The following MYC variants were observed in gnomAD, a reference collection of about 807,000 sequenced individuals.
MYC encodes MYC proto-oncogene, bHLH transcription factor.
In MYC, 1 loss-of-function variant was observed where a neutral mutation model predicts 30.5. The observed-to-expected ratio is 0.03, with a 90% CI of 0.01 to 0.16. The LOEUF is 0.16. MYC is among the 10% of genes least tolerant of loss of function. The pLI, the probability that MYC is intolerant of heterozygous loss-of-function variation, is 1.00. For missense variants in MYC, 508 were observed against 589.0 expected (o/e 0.86, Z 1.42); for synonymous variants, 267 against 250.7 (o/e 1.07, Z -0.62).
chr8:127,741,468 C>T lies in MYC; in HGVS notation c.*510C>T, dbSNP rs1437194341. 1 of 205,758 alleles carries T rather than the reference C, an allele frequency of 4.9e-6. No homozygotes were observed. Among genetic ancestry groups the T allele is most frequent in the African/African-American group, 2.3e-5 (1 of 44,018 alleles). The allele number at this position is 205,758 out of a possible 1,614,324, so 12.7% of individuals were successfully genotyped here. The stretch of plus-strand genomic sequence containing the variant: ...TGTTTTGTTTCGTTTCTTCCCCCTC[C>T]CAACCACCACCATCCCTGTTTGTTT... On this transcript the variant is annotated 3_prime_UTR_variant, in exon 3 of 3. Coordinates refer to ENST00000621592, the MANE Select transcript of MYC (RefSeq NM_002467.6).
At position 127,741,169 on chromosome 8, in the gene MYC, T is replaced by A; in HGVS notation, c.*211T>A. On this transcript the variant is annotated 3_prime_UTR_variant, in exon 3 of 3. Coordinates refer to ENST00000621592, the MANE Select transcript of MYC (RefSeq NM_002467.6). ...CATCTTTTTTTTTTCTTTAACAGAT[T>A]TGTATTTAAGAATTGTTTTTAAAAA... The A allele has an allele frequency of 2.4e-6, 1 of 418,580 alleles. No homozygotes were observed. Among genetic ancestry groups the A allele is most frequent in the Non-Finnish European group, 4.2e-6 (1 of 238,166 alleles). The allele number at this position is 418,580 out of a possible 1,614,324, so 25.9% of individuals were successfully genotyped here.
chr8:127,735,633 T>A (rs1366857178), upstream of MYC: 1 of 398,796 alleles, frequency 2.5e-6, no homozygotes, highest in Non-Finnish European at 4.4e-6. Flanking sequence ...AGCGCGGCCC[T>A]TTCCCCAGCC....
intron 1 of MYC, among the ~76,000 whole-genome samples, chr8:127,737,431 G>C (rs758881887): frequency 1.1e-3 from 161 of 152,362 alleles, no homozygotes; most frequent in Non-Finnish European, 1.7e-3. Context: ...GAGGAACTGC[G>C]AGGAGCGGGG....
In MYC at chr8:127,738,443, C is replaced by T. The variant is rs1307387887; in HGVS notation, c.226C>T (p.Leu76=). 6 of 1,609,456 alleles carry T rather than the reference C, an allele frequency of 3.7e-6. No individual in the cohort carries two copies. In the Admixed American group the frequency reaches 6.7e-5, roughly 18 times the overall value. The change falls in exon 2 of 3, where the codon CTG becomes TTG. Residue 76 remains leucine (L), a synonymous_variant. Coordinates refer to ENST00000621592, the MANE Select transcript of MYC (RefSeq NM_002467.6). This position sits in a 1 kb window ranked among gnomAD's most constrained non-coding sequence, Gnocchi z 7.6. ...ATTCGAGCTGCTGCCCACCCCGCCC[C>T]TGTCCCCTAGCCGCCGCTCCGGGCT...
chr8:127,737,009 C>G (rs2130085953), intron 1 of MYC, among the ~76,000 whole-genome samples: 1 of 152,382 alleles, frequency 6.6e-6, no homozygotes, highest in South Asian at 2.1e-4. Flanking sequence ...GCATCCTGAG[C>G]TCCTTGGAGT....
Position 127,740,603 on chromosome 8 carries a change from C to T in MYC, c.1010C>T (p.Ala337Val), listed in dbSNP as rs4645968. The T allele has an allele frequency of 3.7e-6, 6 of 1,614,018 alleles. No homozygotes were observed. Among genetic ancestry groups the T allele is most frequent in the Non-Finnish European group, 5.1e-6 (6 of 1,180,004 alleles). The change falls in exon 3 of 3, where the codon GCC becomes GTC. Residue 337 changes from alanine (A) to valine (V), a missense_variant. Physicochemically the swap from Ala to Val is moderately conservative, Grantham distance 64. Coordinates refer to ENST00000621592, the MANE Select transcript of MYC (RefSeq NM_002467.6). ...TCCACTCGGAAGGACTATCCTGCTG[C>T]CAAGAGGGTCAAGTTGGACAGTGTC...
chr8:127,735,534 TCCTCC>T (rs1442475514), upstream of MYC: 1 of 398,732 alleles, frequency 2.5e-6, no homozygotes, highest in African/African-American at 2.1e-5. Flanking sequence ...CCTCTATCAT[TCCTCC>T]CTATCTACAC....
At position 127,741,009 on chromosome 8, in the gene MYC, C is replaced by A. The variant is rs576408843; in HGVS notation, c.*51C>A. 1.4e-6 allele frequency: 2 copies of A among 1,468,628 alleles called. No individual in the cohort carries two copies. The highest frequency in any genetic ancestry group is 1.4e-5 in the South Asian group (1 of 69,488). The allele number at this position is 1,468,628 out of a possible 1,614,324, so 91.0% of individuals were successfully genotyped here. A position where few individuals can be genotyped will look rare whatever the true frequency, so the allele number is the denominator to read the frequency against. On this transcript the variant is annotated 3_prime_UTR_variant, in exon 3 of 3. Coordinates refer to ENST00000621592, the MANE Select transcript of MYC (RefSeq NM_002467.6). The stretch of plus-strand genomic sequence containing the variant: ...CTAACAGAAATGTCCTGAGCAATCA[C>A]CTATGAACTTGTTTCAAATGCATGA...
chr8:127,736,904 C>CT (rs1275599125), intron 1 of MYC, among the ~76,000 whole-genome samples: 1 of 152,206 alleles, frequency 6.6e-6, no homozygotes, highest in East Asian at 1.9e-4. Context: ...TTCACGCTGA[C>CT]TCCCGGCCGG....
In MYC at chr8:127,738,934, C is replaced by A. The variant is rs752297148; in HGVS notation, c.717C>A (p.Leu239=). 6.2e-7 allele frequency: 1 copy of A among 1,605,204 alleles called. No individual in the cohort carries two copies. The highest frequency in any genetic ancestry group is 1.1e-5 in the South Asian group (1 of 90,768). The change falls in exon 2 of 3, where the codon CTC becomes CTA. Residue 239 remains leucine, a synonymous_variant. Transcript: ENST00000621592. The surrounding 1 kb of genome is among the most constrained non-coding windows in gnomAD (Gnocchi z 7.6). ...TCTCTCCGTCCTCGGATTCTCTGCT[C>A]TCCTCGACGGAGTCCTCCCCGCAGG... is the stretch of plus-strand genomic sequence containing the variant.
chr8:127,738,939 C>T lies in MYC; in HGVS notation c.722C>T (p.Ser241Leu), dbSNP rs186663828. 12 of 1,601,502 alleles carry T rather than the reference C, an allele frequency of 7.5e-6. No individual in the cohort carries two copies. In the Admixed American group the frequency reaches 8.4e-5, roughly 11 times the overall value. The change falls in exon 2 of 3, where the codon TCG becomes TTG. Residue 241 changes from serine (S) to leucine (L), a missense_variant. Around this residue, in one of 5 missense-constraint regions of MYC, gnomAD observed 364 missense variants for 381.1 expected, o/e 0.96. Transcript: ENST00000621592. The surrounding 1 kb of genome is among the most constrained non-coding windows in gnomAD (Gnocchi z 7.6). ...CCGTCCTCGGATTCTCTGCTCTCCT[C>T]GACGGAGTCCTCCCCGCAGGGCAGC...
chr8:127,737,851 C>A (rs1813626268), intron 1 of MYC, among the ~76,000 whole-genome samples: 1 of 152,224 alleles, frequency 6.6e-6, no homozygotes, highest in Non-Finnish European at 1.5e-5. Context: ...CCTTCTCCTT[C>A]AGGTGGCGCA....
At position 127,736,597 on chromosome 8, in the gene MYC, G is replaced by A; in HGVS notation, c.4G>A (p.Asp2Asn). 2 of 1,614,204 alleles carry A rather than the reference G, an allele frequency of 1.2e-6. No homozygotes were observed. Among genetic ancestry groups the A allele is most frequent in the Non-Finnish European group, 1.7e-6 (2 of 1,180,036 alleles). The change falls in exon 1 of 3, where the codon GAT becomes AAT. Residue 2 changes from aspartate to asparagine, a missense_variant. Asp to Asn is a conservative substitution (Grantham distance 23, BLOSUM62 1). Around this residue, in one of 5 missense-constraint regions of MYC, gnomAD observed 70 missense variants for 84.5 expected, o/e 0.83. Transcript: ENST00000621592. ...TCTCCTTGCAGCTGCTTAGACGCTGGATTTTTTTCGGGTAGTGGAAAACCA... is the reference window on the plus strand; with the variant it reads ...TCTCCTTGCAGCTGCTTAGACGCTGAATTTTTTTCGGGTAGTGGAAAACCA...
intron 1 of MYC, among the ~76,000 whole-genome samples, chr8:127,737,703 T>A (rs1172508500): frequency 9.5e-6 from 1 of 105,800 alleles, no homozygotes; most frequent in Admixed American, 9.2e-5. Flanking sequence ...ACGGGGGCGG[T>A]GGAGAGGGAA....
intron 1 of MYC, 120 bp downstream of exon 1, chr8:127,736,743 A>C: frequency 6.0e-6 from 7 of 1,167,482 alleles, no homozygotes; most frequent in Non-Finnish European, 6.2e-6. Flanking sequence ...CACTTTTCTC[A>C]GAGTAGTTAT....
At chr8:127,739,979 T>C (rs1813680221) in intron 2 of MYC, among the ~76,000 whole-genome samples, 1 of 151,722 alleles carries the variant, frequency 6.6e-6, no homozygotes, top group South Asian at 2.1e-4. Context: ...TTTTTTTTTT[T>C]TTCCTTTTTT....
In MYC at chr8:127,736,398, G is replaced by T; in HGVS notation, c.-196G>T. On this transcript the variant is annotated 5_prime_UTR_variant, in exon 1 of 3. Transcript: ENST00000621592. Reference sequence around the variant, plus strand: ...AGCCCTCCCGCTGATCCCCCAGCCAGCGGTCCGCAACCCTTGCCGCATCCA... The same window carrying T: ...AGCCCTCCCGCTGATCCCCCAGCCATCGGTCCGCAACCCTTGCCGCATCCA... 1 of 622,822 alleles carries T rather than the reference G, an allele frequency of 1.6e-6. No homozygotes were observed. The highest frequency in any genetic ancestry group is 2.9e-5 in the Admixed American group (1 of 34,568). The allele number at this position is 622,822 out of a possible 1,614,324, so 38.6% of individuals were successfully genotyped here.
chr8:127,741,005 A>G lies in MYC; in HGVS notation c.*47A>G. ...CCTTCTAACAGAAATGTCCTGAGCA[A>G]TCACCTATGAACTTGTTTCAAATGC... On this transcript the variant is annotated 3_prime_UTR_variant, in exon 3 of 3. Coordinates refer to ENST00000621592, the MANE Select transcript of MYC (RefSeq NM_002467.6). 1.3e-6 allele frequency: 2 copies of G among 1,492,520 alleles called. No homozygotes were observed. The highest frequency in any genetic ancestry group is 1.8e-6 in the Non-Finnish European group (2 of 1,121,248). 92.5% of individuals were successfully genotyped at this position (1,492,520 alleles called of 1,614,324 possible).
intron 1 of MYC, among the ~76,000 whole-genome samples, chr8:127,737,083 G>C (rs374628523): frequency 6.6e-5 from 10 of 152,380 alleles, no homozygotes; most frequent in African/African-American, 1.9e-4. Flanking sequence ...CCCCGTCTCC[G>C]GGAGGGCATT....
Sources: gnomAD v4.1 joint callset for allele counts (sites outside exome capture counted in the v4.1 genomes callset) on GRCh38, gnomAD v4.1.1 for gene constraint, gnomAD v4.1.1 regional missense constraint, Gnocchi (gnomAD v3.1) non-coding constraint, MANE v1.5 for transcripts, NCBI Gene and HGNC (gene_info 2026-07-23, HGNC 2026-07-21) for gene names.